The following ZSCAN5A variants were observed in gnomAD, a reference collection of about 807,000 sequenced individuals.
ZSCAN5A encodes the protein zinc finger and SCAN domain-containing protein 5A.
A neutral mutation model predicts 23.7 loss-of-function variants in ZSCAN5A; 12 were observed. The ratio of observed to expected loss-of-function variants is 0.51; its 90% CI spans 0.32 to 0.82. The LOEUF is 0.82. ZSCAN5A is among the 40% of genes least tolerant of loss of function. The probability of loss-of-function intolerance (pLI) is 0.03; values close to 1 mark genes in which losing one functional copy is unlikely to be tolerated. For missense variants in ZSCAN5A, 597 were observed against 617.9 expected, an observed-to-expected ratio of 0.97 and a Z score of 0.36; for synonymous variants, 257 against 239.9, an observed-to-expected ratio of 1.07 and a Z score of -0.66.
Position 56,342,398 on chromosome 19 carries a change from G to T in ZSCAN5A, c.-358+20837C>A, listed in dbSNP as rs572863989. ...ATCATTGTAGATACTAGTACCCTTA[G>T]TTTAGTAAAAGAAAACTACCACATG... On this transcript the variant is annotated intron_variant, in intron 2 of 6. Transcript: ENST00000587340. The T allele has an allele frequency of 5.6e-5, 15 of 268,386 alleles. No homozygotes were observed. The South Asian group carries it at 7.0e-4, about 12-fold the overall frequency. The allele number at this position is 268,386 out of a possible 1,614,324, so 16.6% of individuals were successfully genotyped here.
At chr19:56,341,720 A>AC (rs2041594549) in intron 2 of ZSCAN5A, among the ~76,000 whole-genome samples, 1 of 150,782 alleles carries the variant, frequency 6.6e-6, no homozygotes, top group African/African-American at 2.4e-5. Context: ...AAAAAAAAAA[A>AC]AAAAAAACCC....
chr19:56,309,089 A>T (rs2040874830), intron 2 of ZSCAN5A, among the ~76,000 whole-genome samples: 1 of 152,224 alleles, frequency 6.6e-6, no homozygotes, highest in South Asian at 2.1e-4. Flanking sequence ...AACGTAGTGC[A>T]TTCATACAAT....
At chr19:56,280,911 C>A (rs1044966734) in intron 2 of ZSCAN5A, among the ~76,000 whole-genome samples, 3 of 152,182 alleles carry the variant, frequency 2.0e-5, no homozygotes, top group Non-Finnish European at 4.4e-5. Context: ...ATAACACATA[C>A]ACATTTGACC....
At chr19:56,293,348 A>T (rs930269033) in intron 2 of ZSCAN5A, among the ~76,000 whole-genome samples, 1 of 152,212 alleles carries the variant, frequency 6.6e-6, no homozygotes, top group South Asian at 2.1e-4. Context: ...CCCAGTCTGG[A>T]TCCCAAACGG....
At chr19:56,236,020 C>A in intron 2 of ZSCAN5A, among the ~76,000 whole-genome samples, 1 of 82,428 alleles carries the variant, frequency 1.2e-5, no homozygotes, top group African/African-American at 6.1e-5. Context: ...GTGGGCCAAG[C>A]CTCCACTCCA....
At chr19:56,237,996 C>CACAT in intron 2 of ZSCAN5A, among the ~76,000 whole-genome samples, 2 of 666 alleles carry the variant, frequency 3.0e-3, no homozygotes, top group Admixed American at 0.028. Flanking sequence ...TACACACATA[C>CACAT]GCACACATAC....
At chr19:56,322,996 G>A (rs976483852) in intron 2 of ZSCAN5A, among the ~76,000 whole-genome samples, 2 of 148,056 alleles carry the variant, frequency 1.4e-5, no homozygotes, top group Non-Finnish European at 3.0e-5. Flanking sequence ...CCGGGTTCAC[G>A]CCATTCTCCT....
At chr19:56,252,183 G>C (rs979922723) in intron 2 of ZSCAN5A, among the ~76,000 whole-genome samples, 3 of 152,202 alleles carry the variant, frequency 2.0e-5, no homozygotes, top group African/African-American at 7.2e-5. Flanking sequence ...TAATGGATTG[G>C]AGGGTGCTGG....
In ZSCAN5A at chr19:56,282,452, C is replaced by T. The variant is rs867541238; in HGVS notation, c.-128+30831G>A. On this transcript the variant is annotated intron_variant, in intron 2 of 5. Coordinates refer to ENST00000683990, the MANE Select transcript of ZSCAN5A (RefSeq NM_001322064.3). The stretch of plus-strand genomic sequence containing the variant: ...TTGGCAATATGGTTCCCACTGGCTA[C>T]CATCGGTCCTGTCCTTCCTGCTGCT... 17 of 984,262 alleles carry T rather than the reference C, an allele frequency of 1.7e-5. 1 individual carries two copies. The Middle Eastern group carries it at 3.1e-3, about 182-fold the overall frequency. The allele number at this position is 984,262 out of a possible 1,614,324, so 61.0% of individuals were successfully genotyped here.
At chr19:56,230,615 ATGTGTGTG>A (rs58270311) in intron 2 of ZSCAN5A, among the ~76,000 whole-genome samples, 41 of 147,686 alleles carry the variant, frequency 2.8e-4, no homozygotes, top group African/African-American at 8.4e-4. Context: ...TTATTTCTTG[ATGTGTGTG>A]TGTGTGTGTG....
At chr19:56,319,498 G>GA (rs57164685), upstream of ZSCAN5A, among the ~76,000 whole-genome samples, 907 of 78,314 alleles carry the variant, frequency 0.012, 12 homozygotes, top group African/African-American at 0.025. Flanking sequence ...TCCATCTCGG[G>GA]AAAAAAAAAA....
At chr19:56,229,635 T>C (rs1381946647) in intron 2 of ZSCAN5A, among the ~76,000 whole-genome samples, 1 of 152,236 alleles carries the variant, frequency 6.6e-6, no homozygotes, top group Non-Finnish European at 1.5e-5. Context: ...CATAGTCTTA[T>C]TTCTGTGAAG....
At chr19:56,253,772 T>C (rs1266113395) in intron 2 of ZSCAN5A, among the ~76,000 whole-genome samples, 6 of 152,166 alleles carry the variant, frequency 3.9e-5, no homozygotes, top group African/African-American at 4.8e-5. Context: ...CTGGAGAAAG[T>C]AGGGATGCAG....
intron 2 of ZSCAN5A, among the ~76,000 whole-genome samples, chr19:56,252,225 TCTTA>T (rs2036393808): frequency 6.6e-6 from 1 of 152,170 alleles, no homozygotes; most frequent in African/African-American, 2.4e-5. Flanking sequence ...ATCAAGATTC[TCTTA>T]TGGTTTTCTG....
intron 2 of ZSCAN5A, among the ~76,000 whole-genome samples, chr19:56,359,492 T>C (rs969466050): frequency 6.6e-5 from 10 of 152,332 alleles, no homozygotes; most frequent in Non-Finnish European, 7.4e-5. Context: ...TGAATTCTAC[T>C]GGAGGTGCAA....
intron 2 of ZSCAN5A, among the ~76,000 whole-genome samples, chr19:56,240,394 T>C (rs2035336675): frequency 6.6e-6 from 1 of 152,144 alleles, no homozygotes; most frequent in Admixed American, 6.5e-5. Flanking sequence ...TACGTGGCCC[T>C]AAACCAATCA....
At chr19:56,289,870 T>A (rs10402940) in intron 2 of ZSCAN5A, among the ~76,000 whole-genome samples, 2,003 of 152,306 alleles carry the variant, frequency 0.013, 53 homozygotes, top group African/African-American at 0.045. Flanking sequence ...CATCTCAGCC[T>A]GCCAAAGTGC....
intron 2 of ZSCAN5A, among the ~76,000 whole-genome samples, chr19:56,243,611 A>G (rs2035603959): frequency 6.6e-6 from 1 of 152,180 alleles, no homozygotes; most frequent in African/African-American, 2.4e-5. Flanking sequence ...GTTGCATCAG[A>G]TTTTAGGAGC....
chr19:56,231,767 T>C (rs2034480607), intron 2 of ZSCAN5A, among the ~76,000 whole-genome samples: 1 of 152,210 alleles, frequency 6.6e-6, no homozygotes, highest in Non-Finnish European at 1.5e-5. Flanking sequence ...GCAGCTCCTC[T>C]AGCTGGTTCC....
Sources: gnomAD v4.1 joint callset for allele counts (sites outside exome capture counted in the v4.1 genomes callset) on GRCh38, gnomAD v4.1.1 for gene constraint, MANE v1.5 for transcripts, NCBI Gene and HGNC (gene_info 2026-07-23, HGNC 2026-07-21) for gene names.